The following LTB4R2 variants were observed in gnomAD, a reference collection of about 807,000 sequenced individuals.
LTB4R2 encodes the protein LTB4 receptor JULF2.
In LTB4R2, 6 loss-of-function variants were observed where a neutral mutation model predicts 5.3. That is an observed-to-expected ratio of 1.14 (90% CI 0.62 to 2.24). The LOEUF is 2.24. Ranked by LOEUF, LTB4R2 falls within the 30% of genes most tolerant of loss-of-function variation. The pLI is 0.00. For synonymous variants in LTB4R2, 310 were observed against 264.2 expected (o/e 1.17, Z -1.68); for missense variants, 560 against 521.5 (o/e 1.07, Z -0.72).
In LTB4R2 at chr14:24,311,157, G is replaced by A. The variant is rs2041688769; in HGVS notation, c.493G>A (p.Asp165Asn). 5 of 1,602,778 alleles carry A rather than the reference G, an allele frequency of 3.1e-6. No individual in the cohort carries two copies. Among genetic ancestry groups the A allele is most frequent in the Non-Finnish European group, 4.2e-6 (5 of 1,176,564 alleles). Residue 165 changes from aspartate (D) to asparagine (N), a missense_variant, in exon 2 of 2, where the codon GAC becomes AAC. Coordinates refer to ENST00000533293, the MANE Select transcript of LTB4R2 (RefSeq NM_019839.5). ...PAAVYRHLWR[D>N]RVCQLCHPSP... ...CGCCGTCTACCGCCACCTGTGGAGG[G>A]ACCGCGTATGCCAGCTGTGCCACCC...
Position 24,311,228 on chromosome 14 carries a change from C to T in LTB4R2, c.564C>T (p.Thr188=), listed in dbSNP as rs1950503. ...CCCACCTGAGCCTGGAGACTCTGAC[C>T]GCTTTCGTGCTTCCTTTCGGGCTGA... ...AAAHLSLETL[T]AFVLPFGLML... is the part of the protein sequence containing the mutation. The change falls in exon 2 of 2, where the codon ACC becomes ACT. Residue 188 remains threonine (T), a synonymous_variant. Transcript: ENST00000533293. The T allele has an allele frequency of 4.0e-3, 6,369 of 1,608,928 alleles. 243 individuals are homozygous for T. The African/African-American group carries it at 0.077, about 19-fold the overall frequency.
chr14:24,310,723 G>C lies in LTB4R2; in HGVS notation c.59G>C (p.Arg20Pro). The C allele has an allele frequency of 6.2e-7, 1 of 1,612,726 alleles. No homozygotes were observed. The highest frequency in any genetic ancestry group is 1.1e-5 in the South Asian group (1 of 91,090). ...ACACTGCTGAGCTGGAAGACTTCGC[G>C]GGCCACAGGCACAGCCTTCCTGCTG... ...NETLLSWKTS[R>P]ATGTAFLLLA... The change falls in exon 2 of 2, where the codon CGG becomes CCG. Residue 20 changes from arginine (R) to proline (P), a missense_variant. Arg to Pro is a moderately radical substitution (Grantham distance 103). Coordinates refer to ENST00000533293, the MANE Select transcript of LTB4R2 (RefSeq NM_019839.5).
Position 24,311,241 on chromosome 14 carries a change from C to G in LTB4R2, c.577C>G (p.Pro193Ala), listed in dbSNP as rs552807473. 5 of 1,608,194 alleles carry G rather than the reference C, an allele frequency of 3.1e-6. No homozygotes were observed. Among genetic ancestry groups the G allele is most frequent in the Middle Eastern group, 1.7e-4 (1 of 6,048 alleles). ...SLETLTAFVLPFGLMLGCYSV... is the reference protein window; with the variant it reads ...SLETLTAFVLAFGLMLGCYSV... ...GGAGACTCTGACCGCTTTCGTGCTT[C>G]CTTTCGGGCTGATGCTCGGCTGCTA... Residue 193 changes from proline (P) to alanine (A), a missense_variant, in exon 2 of 2, where the codon CCT (proline) becomes GCT (alanine). Transcript: ENST00000533293.
Position 24,311,025 on chromosome 14 carries a change from C to G in LTB4R2, c.361C>G (p.Leu121Val), listed in dbSNP as rs932887891. Residue 121 changes from leucine (L) to valine (V), a missense_variant, in exon 2 of 2, where the codon CTC (leucine) becomes GTC (valine). Transcript: ENST00000533293. The part of the protein sequence containing the change: ...LTGLLSLQRC[L>V]AVTRPFLAPR... Reference sequence around the variant, plus strand: ...CGGCCTGCTCAGCCTGCAGCGCTGCCTCGCAGTCACCCGCCCCTTCCTGGC... The same window carrying G: ...CGGCCTGCTCAGCCTGCAGCGCTGCGTCGCAGTCACCCGCCCCTTCCTGGC... 11 of 1,583,278 alleles carry G rather than the reference C, an allele frequency of 6.9e-6. No homozygotes were observed. The highest frequency in any genetic ancestry group is 9.4e-6 in the Non-Finnish European group (11 of 1,173,874).
Position 24,311,774 on chromosome 14 carries a change from T to G in LTB4R2, c.*33T>G, listed in dbSNP as rs1311330909. On this transcript the variant is annotated 3_prime_UTR_variant, in exon 2 of 2. Coordinates refer to ENST00000533293, the MANE Select transcript of LTB4R2 (RefSeq NM_019839.5). Reference sequence around the variant, plus strand: ...CCCTACAACCTGCTGCCCTTCCCTGTCCCTTTCCACCCCCCACCCACCCTC... The same window carrying G: ...CCCTACAACCTGCTGCCCTTCCCTGGCCCTTTCCACCCCCCACCCACCCTC... The G allele has an allele frequency of 1.3e-6, 2 of 1,512,362 alleles. No homozygotes were observed. Among genetic ancestry groups the G allele is most frequent in the Non-Finnish European group, 1.8e-6 (2 of 1,125,032 alleles). 93.7% of individuals were successfully genotyped at this position (1,512,362 alleles called of 1,614,324 possible).
rs2041645702 is a variant in LTB4R2 at position 24,310,264 on chromosome 14, A to C, written c.-11+9A>C. The C allele has an allele frequency of 1.9e-6, 1 of 536,666 alleles. No individual in the cohort carries two copies. Among genetic ancestry groups the C allele is most frequent in the Non-Finnish European group, 3.3e-6 (1 of 301,690 alleles). The allele number at this position is 536,666 out of a possible 1,614,324, so 33.2% of individuals were successfully genotyped here. On this transcript the variant is annotated intron_variant, in intron 1 of 1. Transcript: ENST00000533293. ...TGCTTGCTCCCAGCTTGGTAAGTAG[A>C]TCTGTGCACGTCCCTTTACACCCCA...
rs1435022077 is a variant in LTB4R2, at chr14:24,310,796, C to G, written c.132C>G (p.Ser44Arg). 6.2e-7 allele frequency: 1 copy of G among 1,604,178 alleles called. No individual in the cohort carries two copies. Among genetic ancestry groups the G allele is most frequent in the Non-Finnish European group, 8.5e-7 (1 of 1,178,358 alleles). Residue 44 changes from serine (S) to arginine (R), a missense_variant, in exon 2 of 2, where the codon AGC (serine) becomes AGG (arginine). Transcript: ENST00000533293. ...CTGGCAACGGCTTCGTGGTGTGGAG[C>G]TTGGCGGGCTGGCGGCCTGCACGGG... ...GLPGNGFVVW[S>R]LAGWRPARGR...
In LTB4R2 at chr14:24,311,132, C is replaced by T; in HGVS notation, c.468C>T (p.Ala156=). 1.9e-6 allele frequency: 3 copies of T among 1,587,004 alleles called. No individual in the cohort carries two copies. Among genetic ancestry groups the T allele is most frequent in the Admixed American group, 1.7e-5 (1 of 57,978 alleles). Residue 156 remains alanine (A), a synonymous_variant, in exon 2 of 2, where the codon GCC becomes GCT. Transcript: ENST00000533293. ...CCGCCCTGTTGCTCGCCGTCCCGGC[C>T]GCCGTCTACCGCCACCTGTGGAGGG... The part of the protein sequence containing the change: ...WLAALLLAVP[A]AVYRHLWRDR...
At position 24,311,283 on chromosome 14, in the gene LTB4R2, C is replaced by A; in HGVS notation, c.619C>A (p.Arg207=). ...CGGCTGCTACAGCGTGACGCTGGCA[C>A]GGCTGCGGGGCGCCCGCTGGGGCTC... ...MLGCYSVTLA[R]LRGARWGSGR... The change falls in exon 2 of 2, where the codon CGG becomes AGG. Residue 207 remains arginine (R), a synonymous_variant. Coordinates refer to ENST00000533293, the MANE Select transcript of LTB4R2 (RefSeq NM_019839.5). 1 of 1,592,002 alleles carries A rather than the reference C, an allele frequency of 6.3e-7. No individual in the cohort carries two copies.
Position 24,310,778 on chromosome 14 carries a change from C to T in LTB4R2, c.114C>T (p.Asn38=), listed in dbSNP as rs962300330. ...LLAALLGLPG[N]GFVVWSLAGW... ...CGGCGCTGCTGGGGCTGCCTGGCAA[C>T]GGCTTCGTGGTGTGGAGCTTGGCGG... Residue 38 remains asparagine (N), a synonymous_variant, in exon 2 of 2, where the codon AAC becomes AAT. Coordinates refer to ENST00000533293, the MANE Select transcript of LTB4R2 (RefSeq NM_019839.5). 5 of 1,607,810 alleles carry T rather than the reference C, an allele frequency of 3.1e-6. No individual in the cohort carries two copies. The highest frequency in any genetic ancestry group is 2.7e-5 in the African/African-American group (2 of 75,040).
rs573945199 is a variant in LTB4R2, at chr14:24,310,435, T to C, written c.-11+180T>C. 5.4e-5 allele frequency: 36 copies of C among 672,778 alleles called. No individual in the cohort carries two copies. The African/African-American group carries it at 6.5e-4, about 12-fold the overall frequency. 41.7% of individuals were successfully genotyped at this position (672,778 alleles called of 1,614,324 possible). ...TGAGCTCTGGGAAGGAGGCCAGGAG[T>C]GGGGCAGGTCAACTGACTGGGAGCA... is the stretch of plus-strand genomic sequence containing the variant. On this transcript the variant is annotated intron_variant, in intron 1 of 1. Transcript: ENST00000533293.
Position 24,311,464 on chromosome 14 carries a change from A to G in LTB4R2, c.800A>G (p.Gln267Arg). 1.2e-6 allele frequency: 2 copies of G among 1,601,220 alleles called. No homozygotes were observed. The highest frequency in any genetic ancestry group is 8.5e-7 in the Non-Finnish European group (1 of 1,179,904). The stretch of plus-strand genomic sequence containing the variant: ...TTGGCGAAGCTGGGCGGAGCCGGCC[A>G]GGCGGCGCGAGCGGGAACTACGGCC... ...GALAKLGGAGQAARAGTTALA... is the reference protein window; with the variant it reads ...GALAKLGGAGRAARAGTTALA... The change falls in exon 2 of 2, where the codon CAG becomes CGG. Residue 267 changes from glutamine to arginine, a missense_variant. Coordinates refer to ENST00000533293, the MANE Select transcript of LTB4R2 (RefSeq NM_019839.5).
At position 24,311,841 on chromosome 14, in the gene LTB4R2, C is replaced by T; in HGVS notation, c.*100C>T. 2 of 1,129,308 alleles carry T rather than the reference C, an allele frequency of 1.8e-6. No individual in the cohort carries two copies. Among genetic ancestry groups the T allele is most frequent in the Non-Finnish European group, 2.5e-6 (2 of 804,834 alleles). 70.0% of individuals were successfully genotyped at this position (1,129,308 alleles called of 1,614,324 possible). A position where few individuals can be genotyped will look rare whatever the true frequency, so the allele number is the denominator to read the frequency against. The stretch of plus-strand genomic sequence containing the variant: ...GGGACATTTGGGGACCCTTCTTTGA[C>T]TAGAGTTTGGATCTGGCTGGGTAGG... On this transcript the variant is annotated 3_prime_UTR_variant, in exon 2 of 2. Transcript: ENST00000533293.
rs2041711571 is a variant in LTB4R2 at position 24,311,708 on chromosome 14, G to A, written c.1044G>A (p.Gly348=). 1 of 1,604,612 alleles carries A rather than the reference G, an allele frequency of 6.2e-7. No homozygotes were observed. Among genetic ancestry groups the A allele is most frequent in the East Asian group, 2.2e-5 (1 of 44,710 alleles). Residue 348 remains glycine (G), a synonymous_variant, in exon 2 of 2, where the codon GGG becomes GGA. Transcript: ENST00000533293. ...QGRGNGDPGG[G]MEKDGPEWDL is the part of the protein sequence containing the mutation. ...GCGGCAATGGAGACCCGGGGGGTGG[G>A]ATGGAGAAGGACGGTCCGGAATGGG... is the stretch of plus-strand genomic sequence containing the variant.
In LTB4R2 at chr14:24,311,672, G is replaced by A. The variant is rs772474477; in HGVS notation, c.1008G>A (p.Val336=). 4 of 1,611,462 alleles carry A rather than the reference G, an allele frequency of 2.5e-6. No individual in the cohort carries two copies. The South Asian group carries it at 4.4e-5, about 18-fold the overall frequency. ...ELRTTPQLKV[V]GQGRGNGDPG... ...GAACTACCCCTCAGCTGAAAGTGGT[G>A]GGGCAGGGCCGCGGCAATGGAGACC... Residue 336 remains valine (V), a synonymous_variant, in exon 2 of 2, where the codon GTG becomes GTA. Transcript: ENST00000533293.
In LTB4R2 at chr14:24,311,095, C is replaced by T. The variant is rs895870911; in HGVS notation, c.431C>T (p.Ala144Val). Reference sequence around the variant, plus strand: ...GCCCTGGCCCGCCGCCTGCTGCTGGCGGTCTGGCTGGCCGCCCTGTTGCTC... The same window carrying T: ...GCCCTGGCCCGCCGCCTGCTGCTGGTGGTCTGGCTGGCCGCCCTGTTGCTC... Reference protein sequence around the residue: ...SPALARRLLLAVWLAALLLAV... With the variant: ...SPALARRLLLVVWLAALLLAV... The change falls in exon 2 of 2, where the codon GCG (alanine) becomes GTG (valine). Residue 144 changes from alanine to valine, a missense_variant. Coordinates refer to ENST00000533293, the MANE Select transcript of LTB4R2 (RefSeq NM_019839.5). The T allele has an allele frequency of 6.4e-7, 1 of 1,562,972 alleles. No individual in the cohort carries two copies. Among genetic ancestry groups the T allele is most frequent in the Non-Finnish European group, 8.6e-7 (1 of 1,161,910 alleles).
chr14:24,311,508 AG>A lies in LTB4R2; in HGVS notation c.845del (p.Ser282ThrfsTer52), dbSNP rs2041705002. On this transcript the variant is annotated frameshift_variant, in exon 2 of 2. Coordinates refer to ENST00000533293, the MANE Select transcript of LTB4R2 (RefSeq NM_019839.5). LOFTEE classifies it high-confidence loss of function. Reference protein sequence around the residue: ...GTTALAFFSSSVNPVLYVFTA... With the variant: ...GTTALAFFSSXVNPVLYVFTA... ...TACGGCCTTGGCCTTCTTCAGTTCT[AG>A]CGTCAACCCGGTGCTCTACGTCTTC... The A allele has an allele frequency of 1.2e-6, 2 of 1,602,626 alleles. No individual in the cohort carries two copies. Among genetic ancestry groups the A allele is most frequent in the Non-Finnish European group, 1.7e-6 (2 of 1,179,982 alleles).
In LTB4R2 at chr14:24,311,543, A is replaced by C. The variant is rs145778310; in HGVS notation, c.879A>C (p.Gly293=). ...CGGTGCTCTACGTCTTCACCGCTGG[A>C]GATCTGCTGCCCCGGGCAGGTCCCC... ...VNPVLYVFTA[G]DLLPRAGPRF... Residue 293 remains glycine, a synonymous_variant, in exon 2 of 2, where the codon GGA becomes GGC. Transcript: ENST00000533293. 7.0e-5 allele frequency: 113 copies of C among 1,606,680 alleles called. No homozygotes were observed. The African/African-American group carries it at 1.4e-3, about 19-fold the overall frequency.
Position 24,310,635 on chromosome 14 carries a change from C to T in LTB4R2, c.-10-20C>T, listed in dbSNP as rs1472080245. Reference sequence around the variant, plus strand: ...CCCCACCCCTGAACGCCCTCTGTGGCGCCTTCCACCCACCTGTAGGCCCAG... The same window carrying T: ...CCCCACCCCTGAACGCCCTCTGTGGTGCCTTCCACCCACCTGTAGGCCCAG... On this transcript the variant is annotated intron_variant, in intron 1 of 1. Coordinates refer to ENST00000533293, the MANE Select transcript of LTB4R2 (RefSeq NM_019839.5). 1.9e-5 allele frequency: 30 copies of T among 1,611,104 alleles called. No homozygotes were observed. The highest frequency in any genetic ancestry group is 2.3e-5 in the Non-Finnish European group (27 of 1,177,266).
Sources: allele counts gnomAD v4.1 joint callset, GRCh38; gene constraint gnomAD v4.1.1; transcripts MANE v1.5; gene names NCBI Gene and HGNC (gene_info 2026-07-23, HGNC 2026-07-21).